GLP2R: variants seen among roughly 807,000 people sequenced by gnomAD.
GLP2R encodes the protein glucagon-like peptide 2 receptor.
GLP2R carries 59 observed loss-of-function variants against 68.2 expected under a neutral mutation model. The ratio of observed to expected loss-of-function variants is 0.87; its 90% CI spans 0.70 to 1.07. GLP2R has a LOEUF of 1.07. GLP2R is among the 50% of genes least tolerant of loss of function. The probability of loss-of-function intolerance (pLI) is 0.00; values close to 1 mark genes in which losing one functional copy is unlikely to be tolerated. For missense variants in GLP2R, 548 were observed against 677.4 expected (o/e 0.81, Z 2.12); for synonymous variants, 270 against 265.4 (o/e 1.02, Z -0.17).
rs538055831 is a variant in GLP2R, at chr17:9,847,874, G to A, written c.504+5258G>A. ...AAGTGTATCCTAATCTTCCATCAAG[G>A]CGCAGTGGCTCATAAGTATGATCCC... is the stretch of plus-strand genomic sequence containing the variant. On this transcript the variant is annotated intron_variant, in intron 4 of 12. Transcript: ENST00000262441. Among the ~76,000 whole-genome samples the A allele has an allele frequency of 1.4e-4, 22 of 152,280 alleles. No individual in the cohort carries two copies. In the East Asian group the frequency reaches 3.1e-3, roughly 21 times the overall value.
In GLP2R at chr17:9,891,461, G is replaced by A. The variant is rs766475399; in HGVS notation, c.*1756G>A. 2.0e-5 allele frequency: 3 copies of A among 152,264 alleles called. No individual in the cohort carries two copies. The highest frequency in any genetic ancestry group is 4.4e-5 in the Non-Finnish European group (3 of 68,046). 9.4% of individuals were successfully genotyped at this position (152,264 alleles called of 1,614,324 possible). A position where few individuals can be genotyped will look rare whatever the true frequency, so the allele number is the denominator to read the frequency against. ...GGGGCAGGATAAGGGTGAGGCAGGA[G>A]AGGCCAGCTCTTGCAAGTGCAGGCT... On this transcript the variant is annotated 3_prime_UTR_variant, in exon 13 of 13. Transcript: ENST00000262441.
chr17:9,883,973 G>GT (rs925902530), intron 11 of GLP2R, among the ~76,000 whole-genome samples: 1 of 151,818 alleles, frequency 6.6e-6, no homozygotes, highest in Non-Finnish European at 1.5e-5. Flanking sequence ...CTATGTGTAG[G>GT]TTTTTTTTCT....
intron 10 of GLP2R, among the ~76,000 whole-genome samples, chr17:9,875,186 A>G (rs891977978): frequency 7.2e-5 from 11 of 152,210 alleles, no homozygotes; most frequent in Non-Finnish European, 1.5e-4. Flanking sequence ...TTGTGCTCTT[A>G]GAAAGCCTCG....
At chr17:9,833,153 C>T (rs1378246713) in intron 1 of GLP2R, among the ~76,000 whole-genome samples, 2 of 151,642 alleles carry the variant, frequency 1.3e-5, no homozygotes, top group East Asian at 1.9e-4. Context: ...GTCCCAGCTA[C>T]TCGGGGAGGC....
chr17:9,827,572 T>C (rs1246838730), intron 1 of GLP2R, among the ~76,000 whole-genome samples: 1 of 152,252 alleles, frequency 6.6e-6, no homozygotes, highest in Non-Finnish European at 1.5e-5. Flanking sequence ...CTTCGTCCTC[T>C]TTCCAAGTTT....
At chr17:9,864,616 G>A (rs1597394104) in intron 9 of GLP2R, among the ~76,000 whole-genome samples, 1 of 152,088 alleles carries the variant, frequency 6.6e-6, no homozygotes. Context: ...TCTGCTTCCT[G>A]GGTTCAAGCG....
intron 4 of GLP2R, among the ~76,000 whole-genome samples, chr17:9,848,320 C>T (rs1329660919): frequency 6.6e-6 from 1 of 152,120 alleles, no homozygotes; most frequent in Non-Finnish European, 1.5e-5. Context: ...GACTATCACC[C>T]CCAAACCTCT....
chr17:9,880,427 A>T lies in GLP2R; in HGVS notation c.1195A>T (p.Ile399Phe). 6.2e-7 allele frequency: 1 copy of T among 1,601,978 alleles called. No individual in the cohort carries two copies. Among genetic ancestry groups the T allele is most frequent in the South Asian group, 1.1e-5 (1 of 89,594 alleles). ...CATTCCTTTATTGGGCGTTCATGAG[A>T]TCCTCTTCTCTTTCATCACTGATGA... ...VLIPLLGVHEILFSFITDDQV... is the reference protein window; with the variant it reads ...VLIPLLGVHEFLFSFITDDQV... The change falls in exon 11 of 13, where the codon ATC becomes TTC. Residue 399 changes from isoleucine (I) to phenylalanine (F), a missense_variant. Physicochemically the swap from Ile to Phe is conservative, Grantham distance 21. Transcript: ENST00000262441.
At chr17:9,875,592 G>A (rs777337103) in intron 10 of GLP2R, among the ~76,000 whole-genome samples, 7 of 152,216 alleles carry the variant, frequency 4.6e-5, no homozygotes, top group Admixed American at 2.0e-4. Context: ...TTGTCCCTGG[G>A]CTTCCACCGT....
intron 11 of GLP2R, among the ~76,000 whole-genome samples, chr17:9,882,850 A>G (rs546827906): frequency 2.2e-3 from 338 of 152,294 alleles, no homozygotes; most frequent in Non-Finnish European, 4.1e-3. Context: ...AATTTTCTAA[A>G]CAAACCACCA....
At chr17:9,888,707 T>G (rs974269853) in intron 12 of GLP2R, among the ~76,000 whole-genome samples, 4 of 152,160 alleles carry the variant, frequency 2.6e-5, no homozygotes, top group African/African-American at 9.7e-5. Context: ...TCTCAAGTAA[T>G]CCACCTGCTT....
At chr17:9,877,654 C>T (rs2067153140) in intron 10 of GLP2R, among the ~76,000 whole-genome samples, 1 of 152,060 alleles carries the variant, frequency 6.6e-6, no homozygotes, top group South Asian at 2.1e-4. Context: ...CTTTGGGAGG[C>T]CGAGGCGGGC....
At position 9,837,950 on chromosome 17, in the gene GLP2R, G is replaced by A. The variant is rs907720568; in HGVS notation, c.382+1475G>A. Among the ~76,000 whole-genome samples, 2 of 152,210 alleles carry A rather than the reference G, an allele frequency of 1.3e-5. 1 individual carries two copies. On this transcript the variant is annotated intron_variant, in intron 3 of 12. Transcript: ENST00000262441. ...TGCAACTTTAGTTTCAATGTTTTGCGCCTCTAGAGCAGAGAGAGAGAGAGT... is the reference window on the plus strand; with the variant it reads ...TGCAACTTTAGTTTCAATGTTTTGCACCTCTAGAGCAGAGAGAGAGAGAGT...
At position 9,852,817 on chromosome 17, in the gene GLP2R, T is replaced by C. The variant is rs59402315; in HGVS notation, c.505-1678T>C. The C allele has an allele frequency of 5.5e-3, 1,653 of 301,666 alleles. 31 individuals carry two copies. The highest frequency in any genetic ancestry group is 0.032 in the African/African-American group (1,437 of 44,860). The allele number at this position is 301,666 out of a possible 1,614,324, so 18.7% of individuals were successfully genotyped here. On this transcript the variant is annotated intron_variant, in intron 4 of 12. Transcript: ENST00000262441. ...ATCTTCTTCAACATCATCATCTTCATCATCATCATCATCTTCTCCATCAGC... is the reference window on the plus strand; with the variant it reads ...ATCTTCTTCAACATCATCATCTTCACCATCATCATCATCTTCTCCATCAGC...
rs182318939 is a variant in GLP2R, at chr17:9,870,849, G to A, written c.1145+14G>A. On this transcript the variant is annotated intron_variant, in intron 10 of 12. Coordinates refer to ENST00000262441, the MANE Select transcript of GLP2R (RefSeq NM_004246.3). Reference sequence around the variant, plus strand: ...TTATAAATACAGGTGAGTGGCTTAAGGTTGGTCCCCAGCAGTCCAAGGTTA... The same window carrying A: ...TTATAAATACAGGTGAGTGGCTTAAAGTTGGTCCCCAGCAGTCCAAGGTTA... 1.6e-4 allele frequency: 207 copies of A among 1,283,080 alleles called. No homozygotes were observed. The African/African-American group carries it at 2.6e-3, about 16-fold the overall frequency. The allele number at this position is 1,283,080 out of a possible 1,614,324, so 79.5% of individuals were successfully genotyped here.
At chr17:9,873,579 T>TTTTTTA (rs1555573361) in intron 10 of GLP2R, among the ~76,000 whole-genome samples, 10 of 141,642 alleles carry the variant, frequency 7.1e-5, no homozygotes, top group African/African-American at 2.7e-4. Flanking sequence ...TTTTTTTTTT[T>TTTTTTA]AGCTCATCAG....
chr17:9,853,946 G>A (rs73255065), intron 4 of GLP2R, among the ~76,000 whole-genome samples: 1,839 of 152,162 alleles, frequency 0.012, 39 homozygotes, highest in African/African-American at 0.042. Context: ...CAAAAAAATC[G>A]CATTTAATAA....
intron 4 of GLP2R, among the ~76,000 whole-genome samples, chr17:9,843,850 G>A (rs576469081): frequency 6.6e-6 from 1 of 152,204 alleles, no homozygotes; most frequent in African/African-American, 2.4e-5. Context: ...CGATGGGTTA[G>A]GTTTTTGCAC....
chr17:9,826,444 C>G (rs1294603022), intron 1 of GLP2R, among the ~76,000 whole-genome samples, 192 bp downstream of exon 1: 2 of 152,090 alleles, frequency 1.3e-5, no homozygotes, highest in Admixed American at 6.6e-5. Context: ...AACCTTTTCT[C>G]TATGCATTTG....
Sources: gnomAD v4.1 joint callset for allele counts (sites outside exome capture counted in the v4.1 genomes callset) on GRCh38, gnomAD v4.1.1 for gene constraint, MANE v1.5 for transcripts, NCBI Gene and HGNC (gene_info 2026-07-23, HGNC 2026-07-21) for gene names.